The following ADGRA1 variants were observed in gnomAD, a reference collection of about 807,000 sequenced individuals.
The protein encoded by ADGRA1 is G-protein coupled receptor 123.
Under a neutral mutation model 21.3 loss-of-function variants are expected in ADGRA1, and 12 were observed. The observed-to-expected ratio is 0.56, with a 90% confidence interval of 0.36 to 0.91. The LOEUF is 0.91. Ranked by LOEUF, ADGRA1 falls within the 40% of genes least tolerant of loss-of-function variation. ADGRA1 has a pLI of 0.01. For synonymous variants in ADGRA1, 385 were observed against 368.8 expected (o/e 1.04, Z -0.50); for missense variants, 790 against 805.6 (o/e 0.98, Z 0.23).
At chr10:133,096,667 G>A (rs755508541) in intron 2 of ADGRA1, among the ~76,000 whole-genome samples, 20 of 152,340 alleles carry the variant, frequency 1.3e-4, no homozygotes, top group African/African-American at 4.8e-4. Flanking sequence ...GGCATCAGTC[G>A]GCCGATACAT....
chr10:133,096,223 C>T (rs1249780235), intron 2 of ADGRA1, among the ~76,000 whole-genome samples: 1 of 152,204 alleles, frequency 6.6e-6, no homozygotes, highest in Admixed American at 6.5e-5. Context: ...CCCTGAAGCC[C>T]CCTCCCCAGC....
intron 5 of ADGRA1, among the ~76,000 whole-genome samples, chr10:133,123,721 C>T (rs934620770): frequency 8.6e-5 from 13 of 152,016 alleles, no homozygotes; most frequent in South Asian, 2.1e-4. Flanking sequence ...CCCTCCCCCC[C>T]CCCGGCACCT....
chr10:133,102,952 A>G, intron 5 of ADGRA1, 110 bp downstream of exon 5: 1 of 1,191,050 alleles, frequency 8.4e-7, no homozygotes, highest in African/African-American at 1.5e-5. Context: ...CCTGAGGATG[A>G]TCCGGTCCAT....
chr10:133,126,220 G>A (rs1342035336), intron 5 of ADGRA1, among the ~76,000 whole-genome samples: 1 of 152,056 alleles, frequency 6.6e-6, no homozygotes, highest in Non-Finnish European at 1.5e-5. Flanking sequence ...ATGTCCTGAA[G>A]TACAGGTCGA....
rs1428196054 is a variant in ADGRA1 at position 133,088,786 on chromosome 10, C to T, written c.-124C>T. ...GGGCCCGGGAGCGCGACCTCCTGGCCGCCGTCTGGGACTTTGACCTTCCAG... is the reference window on the plus strand; with the variant it reads ...GGGCCCGGGAGCGCGACCTCCTGGCTGCCGTCTGGGACTTTGACCTTCCAG... On this transcript the variant is annotated 5_prime_UTR_variant, in exon 2 of 7. Coordinates refer to ENST00000392607, the MANE Select transcript of ADGRA1 (RefSeq NM_001083909.3). 3 of 1,232,256 alleles carry T rather than the reference C, an allele frequency of 2.4e-6. No homozygotes were observed. Among genetic ancestry groups the T allele is most frequent in the Non-Finnish European group, 3.0e-6 (3 of 987,824 alleles). The allele number at this position is 1,232,256 out of a possible 1,614,324, so 76.3% of individuals were successfully genotyped here.
chr10:133,097,765 C>T (rs1047565186), intron 3 of ADGRA1, among the ~76,000 whole-genome samples: 3 of 152,210 alleles, frequency 2.0e-5, no homozygotes, highest in African/African-American at 7.2e-5. Context: ...TTCTGGAGGC[C>T]GAGGTCCCAG....
intron 2 of ADGRA1, among the ~76,000 whole-genome samples, chr10:133,091,827 G>T (rs566262944): frequency 7.2e-5 from 11 of 152,286 alleles, no homozygotes; most frequent in African/African-American, 2.2e-4. Flanking sequence ...AGGAGACGAG[G>T]CGGGTAGCCA....
intron 5 of ADGRA1, among the ~76,000 whole-genome samples, chr10:133,113,169 CGCGTCGGTT>C (rs1852093106): frequency 1.3e-4 from 5 of 38,844 alleles, no homozygotes; most frequent in Admixed American, 8.8e-4. Flanking sequence ...GTCTGTAAGC[CGCGTCGGTT>C]ATTTGAGGTC....
chr10:133,101,012 C>A (rs753844316), intron 4 of ADGRA1, among the ~76,000 whole-genome samples: 1 of 152,248 alleles, frequency 6.6e-6, no homozygotes, highest in African/African-American at 2.4e-5. Flanking sequence ...TCCCCGTGCT[C>A]TGCGAGGCGA....
At chr10:133,093,297 G>T (rs749694437) in intron 2 of ADGRA1, 1 of 1,548,110 alleles carries the variant, frequency 6.5e-7, no homozygotes, top group South Asian at 1.2e-5. Flanking sequence ...TAACTTGACC[G>T]ACTGCTTCCT....
intron 2 of ADGRA1, chr10:133,093,095 C>A (rs779891241): frequency 2.2e-5 from 35 of 1,597,018 alleles, no homozygotes; most frequent in Non-Finnish European, 2.7e-5. Flanking sequence ...AGCTGCAGAC[C>A]TAGCCCCGGA....
intron 5 of ADGRA1, among the ~76,000 whole-genome samples, chr10:133,110,179 G>T (rs968723217): frequency 7.9e-5 from 12 of 152,228 alleles, no homozygotes; most frequent in African/African-American, 2.9e-4. Context: ...AGGTGGGGAG[G>T]ATCCACACGG....
intron 5 of ADGRA1, among the ~76,000 whole-genome samples, chr10:133,123,377 T>C (rs909838517): frequency 6.6e-6 from 1 of 152,228 alleles, no homozygotes; most frequent in East Asian, 1.9e-4. Context: ...TCCCTTTCGC[T>C]GAGTCAGCTT....
At chr10:133,112,894 C>T (rs114163554) in intron 5 of ADGRA1, among the ~76,000 whole-genome samples, 16,632 of 115,648 alleles carry the variant, frequency 0.14, 2,479 homozygotes, top group East Asian at 0.53. Flanking sequence ...CGGGCCGCGT[C>T]AGTTCGGTTA....
intron 5 of ADGRA1, among the ~76,000 whole-genome samples, chr10:133,106,145 C>T (rs67558425): frequency 0.14 from 20,831 of 152,118 alleles, 1,762 homozygotes; most frequent in Non-Finnish European, 0.18. Flanking sequence ...GATGGGGATC[C>T]CCGCCCTGAT....
chr10:133,111,759 C>CACCACA (rs1367162981), intron 5 of ADGRA1, among the ~76,000 whole-genome samples: 3 of 137,696 alleles, frequency 2.2e-5, no homozygotes, highest in Non-Finnish European at 1.5e-5. Context: ...ACAACCTGCC[C>CACCACA]GCCACAGACA....
chr10:133,088,102 G>C lies in ADGRA1; in HGVS notation c.-239G>C, dbSNP rs1329948067. The stretch of plus-strand genomic sequence containing the variant: ...GCAGCGCGTCTGTCTCCGGGAGCGC[G>C]GCCCGGCCGCCCCGGCAGCCGCTTC... On this transcript the variant is annotated 5_prime_UTR_variant, in exon 1 of 7. Transcript: ENST00000392607. 2 of 985,064 alleles carry C rather than the reference G, an allele frequency of 2.0e-6. No individual in the cohort carries two copies. Among genetic ancestry groups the C allele is most frequent in the Admixed American group, 6.2e-5 (1 of 16,248 alleles). 61.0% of individuals were successfully genotyped at this position (985,064 alleles called of 1,614,324 possible).
At chr10:133,118,227 C>T (rs1057188836) in intron 5 of ADGRA1, among the ~76,000 whole-genome samples, 17 of 152,202 alleles carry the variant, frequency 1.1e-4, no homozygotes, top group African/African-American at 3.9e-4. Context: ...AGCGGATGTA[C>T]GGTCCATGGA....
chr10:133,107,946 T>G (rs1380978191), intron 5 of ADGRA1, among the ~76,000 whole-genome samples: 1 of 152,258 alleles, frequency 6.6e-6, no homozygotes, highest in Non-Finnish European at 1.5e-5. Context: ...TGAAAAACAT[T>G]TTTTCATTTC....
Sources: allele counts gnomAD v4.1 joint callset (sites outside exome capture counted in the v4.1 genomes callset), GRCh38; gene constraint gnomAD v4.1.1; transcripts MANE v1.5; gene names NCBI Gene and HGNC (gene_info 2026-07-23, HGNC 2026-07-21).